The following SHANK2 variants were observed in gnomAD, a reference collection of about 807,000 sequenced individuals.
The protein encoded by SHANK2 is SH3 and multiple ankyrin repeat domains 2.
In SHANK2, 43 loss-of-function variants were observed where a neutral mutation model predicts 133.7. That is an observed-to-expected ratio of 0.32 (90% CI 0.25 to 0.41). SHANK2 has a LOEUF of 0.41. Ranked by LOEUF, SHANK2 falls within the 10% of genes least tolerant of loss-of-function variation. The pLI, the probability that SHANK2 is intolerant of heterozygous loss-of-function variation, is 1.00. For missense variants in SHANK2, 1,994 were observed against 2,235.8 expected (o/e 0.89, Z 2.18); for synonymous variants, 1,017 against 952.8 (o/e 1.07, Z -1.24).
chr11:70,501,599 T>TCCTGCATGG (rs2059053623), intron 20 of SHANK2, among the ~76,000 whole-genome samples: 1 of 152,214 alleles, frequency 6.6e-6, no homozygotes, highest in Non-Finnish European at 1.5e-5. Context: ...ACAAACAGGA[T>TCCTGCATGG]CCTGCATGGC....
chr11:70,905,723 T>G (rs79265490), intron 10 of SHANK2, among the ~76,000 whole-genome samples: 7,469 of 152,142 alleles, frequency 0.049, 338 homozygotes, highest in African/African-American at 0.11. Flanking sequence ...GCCCATCTGC[T>G]GGCCCTTGAT....
At chr11:70,584,406 A>G (rs934518032) in intron 17 of SHANK2, among the ~76,000 whole-genome samples, 2 of 152,068 alleles carry the variant, frequency 1.3e-5, no homozygotes, top group East Asian at 3.9e-4. Context: ...ATTCCTAGAG[A>G]AAGTAAACAG....
intron 2 of SHANK2, among the ~76,000 whole-genome samples, chr11:71,179,822 T>C (rs1339279921): frequency 2.0e-5 from 3 of 152,222 alleles, no homozygotes; most frequent in Non-Finnish European, 4.4e-5. Context: ...AAAACAACTC[T>C]ATTTACAAAC....
chr11:71,163,918 A>G (rs1347187800), intron 2 of SHANK2, among the ~76,000 whole-genome samples: 1 of 152,232 alleles, frequency 6.6e-6, no homozygotes, highest in African/African-American at 2.4e-5. Context: ...TTATTTTTCT[A>G]GAGCAGGTTT....
intron 9 of SHANK2, among the ~76,000 whole-genome samples, chr11:71,065,440 G>A (rs1215139470): frequency 2.8e-4 from 36 of 129,566 alleles, no homozygotes; most frequent in Middle Eastern, 4.6e-3. Flanking sequence ...AGGGAGATGA[G>A]CAGTGAGTGG....
At chr11:71,209,094 A>T (rs1214723008) in intron 2 of SHANK2, among the ~76,000 whole-genome samples, 1 of 152,224 alleles carries the variant, frequency 6.6e-6, no homozygotes, top group East Asian at 1.9e-4. Context: ...CTTCAAAAGC[A>T]GAACGTCCCT....
intron 14 of SHANK2, among the ~76,000 whole-genome samples, chr11:70,708,472 C>G (rs1555025435): frequency 6.6e-6 from 1 of 152,200 alleles, no homozygotes; most frequent in Non-Finnish European, 1.5e-5. Context: ...CCGCACTCCC[C>G]CACCACGAGA....
chr11:70,934,932 G>A (rs528020086), intron 10 of SHANK2, among the ~76,000 whole-genome samples: 11 of 152,290 alleles, frequency 7.2e-5, no homozygotes, highest in South Asian at 2.1e-4. Flanking sequence ...CGCAGCAGCC[G>A]TGTGGAAGCA....
At chr11:70,687,737 G>C (rs564733392) in intron 15 of SHANK2, among the ~76,000 whole-genome samples, 1 of 152,196 alleles carries the variant, frequency 6.6e-6, no homozygotes, top group African/African-American at 2.4e-5. Context: ...AGATTCCTGC[G>C]CAGCTACAGA....
At chr11:70,862,680 C>T (rs1949280462) in intron 11 of SHANK2, 1 of 235,294 alleles carries the variant, frequency 4.2e-6, no homozygotes, top group South Asian at 3.9e-5. Flanking sequence ...GGCTGATGGA[C>T]AGGACTGTGG....
Position 70,636,948 on chromosome 11 carries a change from G to A in SHANK2, c.2061+22880C>T, listed in dbSNP as rs146899836. ...CCTGGGGTTGTCACGACAAATCACC[G>A]CAAACCAAGGGGCTTCAAACAACAG... On this transcript the variant is annotated intron_variant, in intron 17 of 25. Transcript: ENST00000601538. Among the ~76,000 whole-genome samples the A allele has an allele frequency of 9.2e-5, 14 of 151,686 alleles. No homozygotes were observed. In the East Asian group the frequency reaches 1.4e-3, roughly 15 times the overall value.
intron 10 of SHANK2, among the ~76,000 whole-genome samples, chr11:70,950,376 C>T (rs188505660): frequency 1.6e-4 from 24 of 152,140 alleles, no homozygotes; most frequent in African/African-American, 5.1e-4. Flanking sequence ...TTTTTAGTAG[C>T]GACAGGGTAT....
At chr11:70,691,009 G>A (rs1378232290) in intron 15 of SHANK2, among the ~76,000 whole-genome samples, 2 of 152,272 alleles carry the variant, frequency 1.3e-5, no homozygotes, top group East Asian at 1.9e-4. Context: ...TGTGGATGAG[G>A]CTGGGTCAGA....
chr11:71,163,274 G>A (rs1224623162), intron 2 of SHANK2, among the ~76,000 whole-genome samples: 1 of 151,718 alleles, frequency 6.6e-6, no homozygotes. Context: ...CTACTTTTCT[G>A]TGTTTATAAT....
At chr11:70,567,787 G>A (rs2059986657) in intron 17 of SHANK2, among the ~76,000 whole-genome samples, 3 of 152,178 alleles carry the variant, frequency 2.0e-5, no homozygotes, top group Admixed American at 1.3e-4. Context: ...CCAGAACTGT[G>A]AGAGTCAACG....
Position 70,882,654 on chromosome 11 carries a change from G to T in SHANK2, c.1174+13847C>A, listed in dbSNP as rs1278758489. Among the ~76,000 whole-genome samples the T allele has an allele frequency of 6.6e-6, 1 of 152,178 alleles. No individual in the cohort carries two copies. Among genetic ancestry groups the T allele is most frequent in the African/African-American group, 2.4e-5 (1 of 41,446 alleles). Reference sequence around the variant, plus strand: ...AAAACTTGCTTGCAAAATCAGCCAGGAGCACAGGGGTGAGGGGTGGCGGTG... The same window carrying T: ...AAAACTTGCTTGCAAAATCAGCCAGTAGCACAGGGGTGAGGGGTGGCGGTG... On this transcript the variant is annotated intron_variant, in intron 11 of 25. Transcript: ENST00000601538. The surrounding 1 kb of genome is among the most constrained non-coding windows in gnomAD (Gnocchi z 4.2).
At chr11:71,240,293 C>G (rs574664667) in intron 1 of SHANK2, among the ~76,000 whole-genome samples, 48 of 152,284 alleles carry the variant, frequency 3.2e-4, no homozygotes, top group African/African-American at 9.6e-4. Flanking sequence ...GTGCAGAACC[C>G]TGATTAATTC....
intron 17 of SHANK2, among the ~76,000 whole-genome samples, chr11:70,587,232 G>A (rs925140969): frequency 2.4e-4 from 37 of 152,258 alleles, no homozygotes; most frequent in African/African-American, 8.2e-4. Context: ...GGGATGCCAC[G>A]CCACATGAAT....
rs147074645 is a variant in SHANK2, at chr11:70,820,980, G to A, written c.1175-298C>T. Among the ~76,000 whole-genome samples, 22 of 152,260 alleles carry A rather than the reference G, an allele frequency of 1.4e-4. No homozygotes were observed. The East Asian group carries it at 2.9e-3, about 20-fold the overall frequency. ...TGAGCTTCCATCTGGCCTGGGAGACGTCCGGCTGGCTTGGGCATGTGTAAG... is the reference window on the plus strand; with the variant it reads ...TGAGCTTCCATCTGGCCTGGGAGACATCCGGCTGGCTTGGGCATGTGTAAG... On this transcript the variant is annotated intron_variant, in intron 11 of 25. Transcript: ENST00000601538.
Sources: gnomAD v4.1 joint callset for allele counts (sites outside exome capture counted in the v4.1 genomes callset) on GRCh38, gnomAD v4.1.1 for gene constraint, Gnocchi (gnomAD v3.1) non-coding constraint, MANE v1.5 for transcripts, NCBI Gene and HGNC (gene_info 2026-07-23, HGNC 2026-07-21) for gene names.